The following MAP2 variants were observed in gnomAD, a reference collection of about 807,000 sequenced individuals.
MAP2 encodes microtubule associated protein 2, also known as microtubule-associated protein 2.
In MAP2, 14 loss-of-function variants were observed where a neutral mutation model predicts 137.6. The observed-to-expected ratio is 0.10, with a 90% CI of 0.07 to 0.16. The LOEUF (loss-of-function observed/expected upper bound fraction) is 0.16. Among genes scored for constraint, MAP2 ranks in the 10% least tolerant of loss-of-function variants. The pLI is 1.00. For synonymous variants in MAP2, 786 were observed against 782.3 expected, an observed-to-expected ratio of 1.00 and a Z score of -0.08; for missense variants, 2,088 against 2,191.5, an observed-to-expected ratio of 0.95 and a Z score of 0.94.
At chr2:209,729,989 T>A (rs2153819468) in intron 15 of MAP2, 27 bp downstream of exon 15, 1 of 1,378,116 alleles carries the variant, frequency 7.3e-7, no homozygotes, top group Middle Eastern at 1.8e-4. Flanking sequence ...TGAGCCAATC[T>A]TGTCTTTTTA....
intron 1 of MAP2, among the ~76,000 whole-genome samples, chr2:209,487,976 T>C (rs1430724471): frequency 2.0e-5 from 3 of 152,160 alleles, no homozygotes; most frequent in Non-Finnish European, 4.4e-5. Flanking sequence ...CTTTAAAAAA[T>C]AAATACTGCT....
chr2:209,545,474 G>A (rs1196073976), intron 2 of MAP2, among the ~76,000 whole-genome samples: 2 of 151,848 alleles, frequency 1.3e-5, no homozygotes, highest in Non-Finnish European at 2.9e-5. Flanking sequence ...AGTTGACCTG[G>A]TAGCAACAAT....
intron 4 of MAP2, among the ~76,000 whole-genome samples, chr2:209,647,484 A>G (rs1302126942): frequency 2.0e-5 from 3 of 152,230 alleles, no homozygotes; most frequent in Non-Finnish European, 4.4e-5. Context: ...TTTCAACTTG[A>G]AATTTAAGCT....
At chr2:209,571,203 C>T (rs181922648) in intron 2 of MAP2, among the ~76,000 whole-genome samples, 1 of 151,798 alleles carries the variant, frequency 6.6e-6, no homozygotes, top group Non-Finnish European at 1.5e-5. Flanking sequence ...GATCCTAAAA[C>T]TTATGAATGA....
At chr2:209,582,684 T>C (rs2076756276) in intron 3 of MAP2, among the ~76,000 whole-genome samples, 1 of 151,748 alleles carries the variant, frequency 6.6e-6, no homozygotes, top group Admixed American at 6.6e-5. Flanking sequence ...GATAGATAGA[T>C]AGATAGATAG....
At chr2:209,666,563 A>G (rs894518276) in intron 5 of MAP2, among the ~76,000 whole-genome samples, 2 of 152,082 alleles carry the variant, frequency 1.3e-5, no homozygotes, top group African/African-American at 4.8e-5. Context: ...TGCTCTGCAG[A>G]CCACATTTAT....
chr2:209,723,153 T>A (rs2072034098), intron 13 of MAP2, among the ~76,000 whole-genome samples: 1 of 152,126 alleles, frequency 6.6e-6, no homozygotes, highest in South Asian at 2.1e-4. Context: ...ACGAGGTGAT[T>A]AATAATTGTG....
At chr2:209,698,816 T>G (rs2060963005) in intron 10 of MAP2, among the ~76,000 whole-genome samples, 1 of 152,182 alleles carries the variant, frequency 6.6e-6, no homozygotes, top group Admixed American at 6.5e-5. Context: ...TCATTAAACT[T>G]AGTAGCAAAA....
chr2:209,593,336 T>C (rs1466744626), intron 3 of MAP2, among the ~76,000 whole-genome samples: 2 of 151,684 alleles, frequency 1.3e-5, no homozygotes. Flanking sequence ...TTTTATTTTA[T>C]TAATTTGTAT....
At chr2:209,707,477 TTGTGCAG>T (rs1390738007) in intron 12 of MAP2, among the ~76,000 whole-genome samples, 5 of 152,242 alleles carry the variant, frequency 3.3e-5, no homozygotes, top group Non-Finnish European at 5.9e-5. Context: ...TTCTAACATT[TTGTGCAG>T]CTATTGAAAA....
chr2:209,676,386 G>A (rs1001194047), intron 5 of MAP2, among the ~76,000 whole-genome samples: 1 of 151,818 alleles, frequency 6.6e-6, no homozygotes, highest in Admixed American at 6.6e-5. Context: ...GGGCCTATTG[G>A]AAGGTGGAGG....
chr2:209,669,631 A>G (rs578153488), intron 5 of MAP2, among the ~76,000 whole-genome samples: 9 of 152,106 alleles, frequency 5.9e-5, no homozygotes, highest in East Asian at 5.8e-4. Context: ...TGGCATTCCT[A>G]TGTTTTGCAG....
chr2:209,435,235 G>A (rs948931948), intron 1 of MAP2, among the ~76,000 whole-genome samples: 1 of 150,482 alleles, frequency 6.6e-6, no homozygotes, highest in East Asian at 1.9e-4. Flanking sequence ...CATAAAACTA[G>A]TATTAAAAAT....
At chr2:209,621,613 A>G (rs553583729) in intron 3 of MAP2, among the ~76,000 whole-genome samples, 5 of 152,244 alleles carry the variant, frequency 3.3e-5, no homozygotes, top group African/African-American at 1.2e-4. Context: ...AAACTAAATG[A>G]TACTTACAAT....
At chr2:209,457,769 G>A (rs1261175012) in intron 1 of MAP2, among the ~76,000 whole-genome samples, 2 of 152,090 alleles carry the variant, frequency 1.3e-5, no homozygotes, top group Admixed American at 6.5e-5. Context: ...ACATGGAGAT[G>A]GGGGATTATA....
At chr2:209,425,662 C>T (rs1692355613) in intron 1 of MAP2, among the ~76,000 whole-genome samples, 2 of 152,178 alleles carry the variant, frequency 1.3e-5, no homozygotes, top group Non-Finnish European at 2.9e-5. Flanking sequence ...CGATGGAGAA[C>T]AAAGCCTTCT....
intron 2 of MAP2, among the ~76,000 whole-genome samples, chr2:209,514,630 G>T (rs1559261941): frequency 6.6e-6 from 1 of 151,964 alleles, no homozygotes; most frequent in Non-Finnish European, 1.5e-5. Flanking sequence ...TATCTTATTA[G>T]GGTAGTTTGG....
In MAP2 at chr2:209,692,783, A is replaced by G; in HGVS notation, c.613A>G (p.Lys205Glu). 6.2e-7 allele frequency: 1 copy of G among 1,614,056 alleles called. No homozygotes were observed. Among genetic ancestry groups the G allele is most frequent in the Non-Finnish European group, 8.5e-7 (1 of 1,179,970 alleles). Residue 205 changes from lysine to glutamate, a missense_variant, in exon 8 of 16, where the codon AAA (lysine) becomes GAA (glutamate). Coordinates refer to ENST00000682079, the MANE Select transcript of MAP2 (RefSeq NM_001375505.1). ...CTTAGTTTCTCAGCCAGAGACAACTAAAACTTACCCTGATAAAAAGGACAT... is the reference window on the plus strand; with the variant it reads ...CTTAGTTTCTCAGCCAGAGACAACTGAAACTTACCCTGATAAAAAGGACAT... ...AALVSQPETT[K>E]TYPDKKDMQG...
At chr2:209,526,044 G>A (rs776110125) in intron 2 of MAP2, among the ~76,000 whole-genome samples, 2 of 151,948 alleles carry the variant, frequency 1.3e-5, no homozygotes, top group Non-Finnish European at 2.9e-5. Context: ...TTCTTCTCAT[G>A]TTATGTCATG....
Sources: gnomAD v4.1 joint callset for allele counts (sites outside exome capture counted in the v4.1 genomes callset) on GRCh38, gnomAD v4.1.1 for gene constraint, MANE v1.5 for transcripts, NCBI Gene and HGNC (gene_info 2026-07-23, HGNC 2026-07-21) for gene names.